Variants in ABCC4 observed in about 807,000 individuals in gnomAD.
The protein encoded by ABCC4 is ATP-binding cassette sub-family C member 4.
A neutral mutation model predicts 168.5 loss-of-function variants in ABCC4; 102 were observed. The ratio of observed to expected loss-of-function variants is 0.61; its 90% CI spans 0.52 to 0.71. The LOEUF (loss-of-function observed/expected upper bound fraction) is 0.71. Ranked by LOEUF, ABCC4 falls within the 30% of genes least tolerant of loss-of-function variation. The pLI is 0.00. For synonymous variants in ABCC4, 617 were observed against 590.7 expected (o/e 1.04, Z -0.65); for missense variants, 1,402 against 1,605.8 (o/e 0.87, Z 2.17).
intron 4 of ABCC4, among the ~76,000 whole-genome samples, chr13:95,224,811 T>C (rs2039409997): frequency 1.3e-5 from 2 of 152,018 alleles, no homozygotes; most frequent in Non-Finnish European, 2.9e-5. Context: ...AATGGAAACC[T>C]GGAGCTAAAG....
At chr13:95,037,084 CA>C (rs57294033) in intron 29 of ABCC4, among the ~76,000 whole-genome samples, 1,771 of 105,822 alleles carry the variant, frequency 0.017, 27 homozygotes, top group African/African-American at 0.062. Flanking sequence ...ACTCTGTGTC[CA>C]AAAAAAAAAA....
chr13:95,189,380 CA>C (rs1437586478), intron 9 of ABCC4, among the ~76,000 whole-genome samples: 3 of 152,052 alleles, frequency 2.0e-5, no homozygotes, highest in African/African-American at 7.2e-5. Context: ...CTCGGCCTCC[CA>C]AAGTGCTGGG....
At chr13:95,140,470 T>C (rs1363244355) in intron 19 of ABCC4, among the ~76,000 whole-genome samples, 1 of 152,216 alleles carries the variant, frequency 6.6e-6, no homozygotes, top group African/African-American at 2.4e-5. Context: ...ATGGATATCT[T>C]TACAGATAGT....
chr13:95,154,802 C>T (rs780266369), intron 19 of ABCC4, among the ~76,000 whole-genome samples: 9 of 152,134 alleles, frequency 5.9e-5, no homozygotes, highest in Non-Finnish European at 1.0e-4. Context: ...ATTTAACAAG[C>T]CTATTATTGT....
intron 24 of ABCC4, among the ~76,000 whole-genome samples, chr13:95,072,085 A>T: frequency 6.6e-6 from 1 of 152,222 alleles, no homozygotes. Flanking sequence ...GAATGCTTAG[A>T]TTTTATTTAT....
intron 13 of ABCC4, among the ~76,000 whole-genome samples, chr13:95,176,700 G>A (rs1023588550): frequency 2.6e-5 from 4 of 152,148 alleles, no homozygotes; most frequent in African/African-American, 4.8e-5. Context: ...CTCTGCAAGC[G>A]AAGATGTTTC....
intron 3 of ABCC4, among the ~76,000 whole-genome samples, chr13:95,246,179 A>G (rs1156313133): frequency 1.3e-5 from 2 of 151,968 alleles, no homozygotes; most frequent in Non-Finnish European, 2.9e-5. Flanking sequence ...GCTGTCTTTG[A>G]TTTTTCATGG....
intron 19 of ABCC4, among the ~76,000 whole-genome samples, chr13:95,143,718 T>C (rs994786177): frequency 1.1e-4 from 16 of 152,192 alleles, no homozygotes; most frequent in Admixed American, 2.6e-4. Flanking sequence ...GAGCTAGCAC[T>C]CTCCTAACAT....
intron 3 of ABCC4, among the ~76,000 whole-genome samples, chr13:95,237,713 G>A (rs1028434040): frequency 2.6e-5 from 4 of 152,102 alleles, no homozygotes; most frequent in African/African-American, 4.8e-5. Flanking sequence ...CAGCGGGCAC[G>A]CGGCCTCCAT....
intron 13 of ABCC4, among the ~76,000 whole-genome samples, chr13:95,171,061 C>T (rs1389026994): frequency 6.8e-6 from 1 of 146,112 alleles, no homozygotes; most frequent in Non-Finnish European, 1.5e-5. Flanking sequence ...CCCCCCTCCA[C>T]CCCCCGCAAA....
chr13:95,028,441 A>G (rs2031652239), intron 30 of ABCC4, among the ~76,000 whole-genome samples: 4 of 152,206 alleles, frequency 2.6e-5, no homozygotes, highest in Admixed American at 2.6e-4. Context: ...TGCGTAAAAC[A>G]GAAAAGAAAT....
intron 20 of ABCC4, among the ~76,000 whole-genome samples, chr13:95,113,475 T>C (rs2035271467): frequency 1.3e-5 from 2 of 151,930 alleles, no homozygotes; most frequent in Admixed American, 1.3e-4. Context: ...GTGCTTACCA[T>C]AATAGTGTTT....
chr13:95,142,626 C>A (rs2036356520), intron 19 of ABCC4, among the ~76,000 whole-genome samples: 2 of 150,456 alleles, frequency 1.3e-5, no homozygotes, highest in African/African-American at 2.5e-5. Flanking sequence ...CATGAGTAAA[C>A]CAGAAAAAAA....
intron 19 of ABCC4, among the ~76,000 whole-genome samples, chr13:95,121,589 G>A (rs2035573883): frequency 6.6e-6 from 1 of 151,602 alleles, no homozygotes; most frequent in African/African-American, 2.4e-5. Flanking sequence ...AAATTTTTTT[G>A]TAGAGATGAG....
At position 95,025,213 on chromosome 13, in the gene ABCC4, CCA is replaced by C. The variant is rs1228618614; in HGVS notation, c.3871-3533_3871-3532del. ...CCCACACCACACACCCCCACACCCC[CCA>C]CACACCCCCACACACACCCATACAC... On this transcript the variant is annotated intron_variant, in intron 30 of 30. Transcript: ENST00000645237. Among the ~76,000 whole-genome samples, 225 of 55,726 alleles carry C rather than the reference CCA, an allele frequency of 4.0e-3. 4 individuals carry two copies. Among genetic ancestry groups the C allele is most frequent in the African/African-American group, 0.016 (212 of 13,046 alleles). 36.6% of individuals were successfully genotyped at this position (55,726 alleles called of 152,430 possible).
intron 20 of ABCC4, among the ~76,000 whole-genome samples, chr13:95,104,567 TTTG>T (rs1211800148): frequency 1.3e-5 from 2 of 152,240 alleles, no homozygotes; most frequent in African/African-American, 4.8e-5. Flanking sequence ...CCACACATAA[TTTG>T]TTAACAATTT....
chr13:95,153,944 C>T (rs2036773069), intron 19 of ABCC4, among the ~76,000 whole-genome samples: 1 of 152,180 alleles, frequency 6.6e-6, no homozygotes, highest in Admixed American at 6.5e-5. Context: ...GACTTCGTAT[C>T]ACCCCTGATA....
At chr13:95,113,633 A>AT (rs1387833329) in intron 20 of ABCC4, among the ~76,000 whole-genome samples, 2 of 151,746 alleles carry the variant, frequency 1.3e-5, no homozygotes, top group African/African-American at 2.4e-5. Context: ...GGTTAAATGC[A>AT]TTTTTTTGGG....
chr13:95,080,705 T>G (rs190659218), intron 21 of ABCC4, among the ~76,000 whole-genome samples: 8 of 152,314 alleles, frequency 5.3e-5, no homozygotes, highest in Admixed American at 2.6e-4. Context: ...ACTCTCGACC[T>G]CAAGTGATCC....
Sources: gnomAD v4.1 joint callset for allele counts (sites outside exome capture counted in the v4.1 genomes callset) on GRCh38, gnomAD v4.1.1 for gene constraint, MANE v1.5 for transcripts, NCBI Gene and HGNC (gene_info 2026-07-23, HGNC 2026-07-21) for gene names.